AARS1: variants seen among roughly 807,000 people sequenced by gnomAD.
AARS1 encodes the protein alanyl-tRNA synthetase 1.
A neutral mutation model predicts 108.9 loss-of-function variants in AARS1; 72 were observed. The observed-to-expected ratio is 0.66, with a 90% CI of 0.55 to 0.80. The LOEUF (loss-of-function observed/expected upper bound fraction) is 0.80. AARS1 is among the 30% of genes least tolerant of loss of function. The pLI is 0.00. For missense variants in AARS1, 1,193 were observed against 1,233.2 expected (o/e 0.97, Z 0.49); for synonymous variants, 489 against 465.7 (o/e 1.05, Z -0.64).
At chr16:70,261,203 A>T in intron 12 of AARS1, 46 bp from the exon 13 acceptor site, 1 of 1,444,000 alleles carries the variant, frequency 6.9e-7, no homozygotes, top group Non-Finnish European at 9.7e-7. Flanking sequence ...CCTTAAAAAC[A>T]TACAAATTTT....
intron 7 of AARS1, 105 bp from the exon 8 acceptor site, chr16:70,268,484 A>G: frequency 1.1e-6 from 1 of 892,868 alleles, no homozygotes; most frequent in Non-Finnish European, 1.8e-6. Context: ...ACTTTCTTTT[A>G]TCCTAAGCCT....
chr16:70,253,423 G>C, intron 19 of AARS1, 42 bp from the exon 20 acceptor site: 1 of 1,492,260 alleles, frequency 6.7e-7, no homozygotes, highest in Non-Finnish European at 9.3e-7. Flanking sequence ...CTGGAGCAGG[G>C]ACCCTCACTA....
chr16:70,281,937 G>C (rs1960705880), intron 2 of AARS1, among the ~76,000 whole-genome samples: 1 of 152,016 alleles, frequency 6.6e-6, no homozygotes, highest in South Asian at 2.1e-4. Context: ...GGATCACAAG[G>C]TCAGGAGATT....
intron 13 of AARS1, among the ~76,000 whole-genome samples, chr16:70,260,668 C>T (rs754959581): frequency 2.6e-5 from 4 of 151,956 alleles, no homozygotes; most frequent in Non-Finnish European, 4.4e-5. Flanking sequence ...AGTGACAGGA[C>T]AATTTTTTTT....
chr16:70,254,018 G>T lies in AARS1; in HGVS notation c.2421C>A (p.Ile807=), dbSNP rs768412428. The T allele has an allele frequency of 3.7e-6, 6 of 1,614,134 alleles. No homozygotes were observed. The highest frequency in any genetic ancestry group is 1.1e-5 in the South Asian group (1 of 91,088). ...GCAATTCATCCTTCTGCCACTGGGGGATGACTGCAGTGGCCAGGGCCTGGA... is the reference window on the plus strand; with the variant it reads ...GCAATTCATCCTTCTGCCACTGGGGTATGACTGCAGTGGCCAGGGCCTGGA... ...DLGEALATAV[I]PQWQKDELRE... The change falls in exon 18 of 21, where the codon ATC becomes ATA. Residue 807 remains isoleucine (I), a synonymous_variant. Coordinates refer to ENST00000261772, the MANE Select transcript of AARS1 (RefSeq NM_001605.3).
chr16:70,276,365 T>A, intron 4 of AARS1, 121 bp downstream of exon 4: 1 of 1,140,762 alleles, frequency 8.8e-7, no homozygotes, highest in Non-Finnish European at 1.3e-6. Context: ...CCTCCCCATG[T>A]GCATCTCAAA....
At chr16:70,265,261 G>C (rs1392096819) in intron 10 of AARS1, 159 bp from the exon 11 acceptor site, 1 of 1,075,502 alleles carries the variant, frequency 9.3e-7, no homozygotes, top group African/African-American at 1.6e-5. Flanking sequence ...CTCTGTTGTG[G>C]AAACTTCTCT....
At chr16:70,258,570 CTT>C (rs1165944583) in intron 14 of AARS1, among the ~76,000 whole-genome samples, 1 of 147,366 alleles carries the variant, frequency 6.8e-6, no homozygotes, top group Non-Finnish European at 1.5e-5. Flanking sequence ...TTTAAACAAA[CTT>C]TTTTTTTTTT....
At chr16:70,258,327 G>C in intron 14 of AARS1, 110 bp from the exon 15 acceptor site, 1 of 1,201,850 alleles carries the variant, frequency 8.3e-7, no homozygotes, top group Non-Finnish European at 1.2e-6. Context: ...AACCTGGCTT[G>C]GCCTAGCACG....
chr16:70,278,062 G>C (rs1488176561), intron 2 of AARS1, among the ~76,000 whole-genome samples: 1 of 151,742 alleles, frequency 6.6e-6, no homozygotes. Context: ...CTTACCATTA[G>C]ACACTTGTGA....
rs75989036 is a variant in AARS1 at position 70,286,342 on chromosome 16, G to C, written c.-22+3079C>G. 7.6e-3 allele frequency among the ~76,000 whole-genome samples: 1,153 copies of C among 151,436 alleles called. 13 individuals are homozygous for C. Among genetic ancestry groups the C allele is most frequent in the African/African-American group, 0.026 (1,079 of 41,192 alleles). On this transcript the variant is annotated intron_variant, in intron 1 of 20. Coordinates refer to ENST00000261772, the MANE Select transcript of AARS1 (RefSeq NM_001605.3). ...CTTGGGTGCCTTAAATCACGCTGTG[G>C]CTCCAGCCACTCCACAGGAATTTTT...
rs886052253 is a variant in AARS1, at chr16:70,254,643, C to T, written c.2378G>A (p.Arg793Lys). The change falls in exon 17 of 21, where the codon AGG (arginine) becomes AAG (lysine). Residue 793 changes from arginine (R) to lysine (K), a missense_variant. Coordinates refer to ENST00000261772, the MANE Select transcript of AARS1 (RefSeq NM_001605.3). Reference protein sequence around the residue: ...AQTAPNKDVQREIADLGEALA... With the variant: ...AQTAPNKDVQKEIADLGEALA... Reference sequence around the variant, plus strand: ...TACCTCTCCAAGGTCAGCGATCTCCCTCTGCACATCCTTGTTTGGAGCAGT... The same window carrying T: ...TACCTCTCCAAGGTCAGCGATCTCCTTCTGCACATCCTTGTTTGGAGCAGT... 1 of 1,614,016 alleles carries T rather than the reference C, an allele frequency of 6.2e-7. No homozygotes were observed. Among genetic ancestry groups the T allele is most frequent in the Admixed American group, 1.7e-5 (1 of 60,010 alleles).
Position 70,253,794 on chromosome 16 carries a change from C to G in AARS1, c.2527G>C (p.Glu843Gln). Residue 843 changes from glutamate to glutamine, a missense_variant, in exon 19 of 21, where the codon GAG becomes CAG. Physicochemically the swap from Glu to Gln is conservative, Grantham distance 29. Transcript: ENST00000261772. The part of the protein sequence containing the change: ...SKADVQKRVL[E>Q]KTKQFIDSNP... Reference sequence around the variant, plus strand: ...CTGTCGATGAACTGCTTCGTCTTCTCTAACACCTGCAAGAAAAAAGTCCAG... The same window carrying G: ...CTGTCGATGAACTGCTTCGTCTTCTGTAACACCTGCAAGAAAAAAGTCCAG... 1.9e-6 allele frequency: 3 copies of G among 1,614,216 alleles called. No homozygotes were observed. Among genetic ancestry groups the G allele is most frequent in the Non-Finnish European group, 2.5e-6 (3 of 1,180,038 alleles).
intron 1 of AARS1, among the ~76,000 whole-genome samples, chr16:70,286,250 TA>T (rs2152172446): frequency 6.6e-6 from 1 of 152,116 alleles, no homozygotes; most frequent in East Asian, 1.9e-4. Flanking sequence ...TGGAGGGCTA[TA>T]TGGGATACAG....
Position 70,282,744 on chromosome 16 carries a change from G to A in AARS1, c.20C>T (p.Ala7Val), listed in dbSNP as rs756490113. The change falls in exon 2 of 21, where the codon GCA (alanine) becomes GTA (valine). Residue 7 changes from alanine to valine, a missense_variant. Physicochemically the swap from Ala to Val is moderately conservative, Grantham distance 64. Coordinates refer to ENST00000261772, the MANE Select transcript of AARS1 (RefSeq NM_001605.3). ...TATAAATCGCTGCCGGATTTCACTTGCTGTTAGAGTAGAGTCCATCTTGAA... is the reference window on the plus strand; with the variant it reads ...TATAAATCGCTGCCGGATTTCACTTACTGTTAGAGTAGAGTCCATCTTGAA... MDSTLT[A>V]SEIRQRFIDF... 2.5e-6 allele frequency: 4 copies of A among 1,614,050 alleles called. No individual in the cohort carries two copies. The highest frequency in any genetic ancestry group is 2.5e-6 in the Non-Finnish European group (3 of 1,180,002).
chr16:70,257,968 A>G, intron 15 of AARS1, 65 bp downstream of exon 15: 1 of 1,577,624 alleles, frequency 6.3e-7, no homozygotes. Context: ...GGTCCAGCCT[A>G]AGACCTACAT....
At chr16:70,263,601 G>A (rs1960197286) in intron 11 of AARS1, among the ~76,000 whole-genome samples, 1 of 151,856 alleles carries the variant, frequency 6.6e-6, no homozygotes, top group South Asian at 2.1e-4. Flanking sequence ...TCTCTACCAG[G>A]GCAAAAAAGC....
chr16:70,269,481 G>T, intron 7 of AARS1, 137 bp downstream of exon 7: 2 of 1,297,648 alleles, frequency 1.5e-6, no homozygotes, highest in Non-Finnish European at 2.1e-6. Flanking sequence ...TTGCAGTGAG[G>T]CAAGATCACG....
chr16:70,282,014 T>C (rs1960708049), intron 2 of AARS1, among the ~76,000 whole-genome samples: 1 of 152,004 alleles, frequency 6.6e-6, no homozygotes, highest in South Asian at 2.1e-4. Flanking sequence ...TAGCTGTACT[T>C]GGTGGTGGGC....
Sources: gnomAD v4.1 joint callset for allele counts (sites outside exome capture counted in the v4.1 genomes callset) on GRCh38, gnomAD v4.1.1 for gene constraint, MANE v1.5 for transcripts, NCBI Gene and HGNC (gene_info 2026-07-23, HGNC 2026-07-21) for gene names.